The following BCLAF1 variants were observed in gnomAD, a reference collection of about 807,000 sequenced individuals.
BCLAF1 encodes bcl-2-associated transcription factor 1.
A neutral mutation model predicts 99.5 loss-of-function variants in BCLAF1; 10 were observed. That is an observed-to-expected ratio of 0.10 (90% confidence interval 0.06 to 0.17). The LOEUF is 0.17. BCLAF1 is among the 10% of genes least tolerant of loss of function. BCLAF1 has a pLI of 1.00. For missense variants in BCLAF1, 636 were observed against 1,105.8 expected (o/e 0.58, Z 6.02); for synonymous variants, 255 against 370.9 (o/e 0.69, Z 3.59).
intron 1 of BCLAF1, among the ~76,000 whole-genome samples, chr6:136,284,176 T>C (rs1378464727): frequency 7.3e-6 from 1 of 137,146 alleles, no homozygotes; most frequent in African/African-American, 3.2e-5. Flanking sequence ...AAGACCCAAC[T>C]GCCAGATCTC....
At chr6:136,287,067 G>A (rs1222836549) in intron 1 of BCLAF1, among the ~76,000 whole-genome samples, 1 of 152,090 alleles carries the variant, frequency 6.6e-6, no homozygotes, top group African/African-American at 2.4e-5. Flanking sequence ...TTCAACCTGG[G>A]AGGCAGAGGT....
Position 136,257,399 on chromosome 6 carries a change from C to T in BCLAF1, c.*3711G>A, listed in dbSNP as rs1205505680. The T allele has an allele frequency of 3.3e-5, 5 of 152,124 alleles. No individual in the cohort carries two copies. The highest frequency in any genetic ancestry group is 9.7e-5 in the African/African-American group (4 of 41,428). 9.4% of individuals were successfully genotyped at this position (152,124 alleles called of 1,614,324 possible). On this transcript the variant is annotated 3_prime_UTR_variant, in exon 13 of 13. Coordinates refer to ENST00000531224, the MANE Select transcript of BCLAF1 (RefSeq NM_014739.3). ...CCTTAATTAAATGTACAAGTTTGGT[C>T]TCATTACCATCATTGACACAAGTTA...
Position 136,268,351 on chromosome 6 carries a change from A to G in BCLAF1, c.2220-12T>C. On this transcript the variant is annotated splice_polypyrimidine_tract_variant and intron_variant, in intron 9 of 12. Transcript: ENST00000531224. The stretch of plus-strand genomic sequence containing the variant: ...CTCTTTTATGTTTACTGCAAAATAA[A>G]GAAAACAAAAAATGTGATACTTTTA... 6.3e-7 allele frequency: 1 copy of G among 1,582,518 alleles called. No individual in the cohort carries two copies. Among genetic ancestry groups the G allele is most frequent in the Non-Finnish European group, 8.6e-7 (1 of 1,167,782 alleles).
At chr6:136,264,964 C>T (rs1223416733) in intron 11 of BCLAF1, among the ~76,000 whole-genome samples, 3 of 152,128 alleles carry the variant, frequency 2.0e-5, no homozygotes, top group Admixed American at 6.6e-5. Flanking sequence ...TAAGTAAACG[C>T]CAACCCAAAA....
intron 6 of BCLAF1, 109 bp from the exon 7 acceptor site, chr6:136,273,296 C>G (rs1288197089): frequency 1.1e-6 from 1 of 917,154 alleles, no homozygotes; most frequent in Non-Finnish European, 1.7e-6. Context: ...AATAAGAAAC[C>G]TAGCAAAAGA....
At position 136,259,431 on chromosome 6, in the gene BCLAF1, C is replaced by T. The variant is rs1219883082; in HGVS notation, c.*1679G>A. 1 of 152,050 alleles carries T rather than the reference C, an allele frequency of 6.6e-6. No homozygotes were observed. Among genetic ancestry groups the T allele is most frequent in the Non-Finnish European group, 1.5e-5 (1 of 67,898 alleles). The allele number at this position is 152,050 out of a possible 1,614,324, so 9.4% of individuals were successfully genotyped here. On this transcript the variant is annotated 3_prime_UTR_variant, in exon 13 of 13. Transcript: ENST00000531224. ...CATGAAAATTCTGTGTTGGGAATCA[C>T]ATCCATGTTGCTTTCACACGTAAAT... is the stretch of plus-strand genomic sequence containing the variant.
At chr6:136,271,349 T>C (rs189544613) in intron 8 of BCLAF1, among the ~76,000 whole-genome samples, 405 of 151,954 alleles carry the variant, frequency 2.7e-3, no homozygotes, top group African/African-American at 9.1e-3. Flanking sequence ...TATAGATTAG[T>C]CTACCTGGCA....
chr6:136,275,809 A>G (rs1337724850), intron 5 of BCLAF1, 34 bp downstream of exon 5: 2 of 1,590,774 alleles, frequency 1.3e-6, no homozygotes, highest in African/African-American at 2.7e-5. Context: ...CTGACTGCCC[A>G]CAGATTATTT....
intron 8 of BCLAF1, 38 bp from the exon 9 acceptor site, chr6:136,269,650 G>C: frequency 6.7e-7 from 1 of 1,487,102 alleles, no homozygotes; most frequent in Non-Finnish European, 9.0e-7. Flanking sequence ...TTTCAGGGGA[G>C]AAATAGAAAA....
intron 11 of BCLAF1, among the ~76,000 whole-genome samples, chr6:136,266,472 C>T (rs537464192): frequency 6.6e-6 from 1 of 152,190 alleles, no homozygotes; most frequent in South Asian, 2.1e-4. Context: ...CCTCTAGCTT[C>T]ATCCTTGAAA....
Position 136,258,245 on chromosome 6 carries a change from A to G in BCLAF1, c.*2865T>C, listed in dbSNP as rs966923628. 3 of 152,124 alleles carry G rather than the reference A, an allele frequency of 2.0e-5. No individual in the cohort carries two copies. Among genetic ancestry groups the G allele is most frequent in the Non-Finnish European group, 4.4e-5 (3 of 67,938 alleles). 9.4% of individuals were successfully genotyped at this position (152,124 alleles called of 1,614,324 possible). ...TTTTAGAAAGAGAAGTAATCACCATATTATGGGTGATAAGGTCCCAGATTA... is the reference window on the plus strand; with the variant it reads ...TTTTAGAAAGAGAAGTAATCACCATGTTATGGGTGATAAGGTCCCAGATTA... On this transcript the variant is annotated 3_prime_UTR_variant, in exon 13 of 13. Transcript: ENST00000531224.
chr6:136,261,785 T>G, intron 11 of BCLAF1, among the ~76,000 whole-genome samples: 1 of 152,128 alleles, frequency 6.6e-6, no homozygotes. Context: ...TTTTTTATTA[T>G]GTCAATCCAA....
chr6:136,269,534 G>T lies in BCLAF1; in HGVS notation c.2122C>A (p.Arg708=), dbSNP rs749172270. 1 of 1,612,334 alleles carries T rather than the reference G, an allele frequency of 6.2e-7. No homozygotes were observed. The highest frequency in any genetic ancestry group is 8.5e-7 in the Non-Finnish European group (1 of 1,178,996). The change falls in exon 9 of 13, where the codon CGG becomes AGG. Residue 708 remains arginine, a synonymous_variant. Transcript: ENST00000531224. The stretch of plus-strand genomic sequence containing the variant: ...TCCCTGGAGCCCTTGGAATCTCCCC[G>T]TTCTTTACTTCTTTCTTTTCTACGG... ...DRRRKERSKE[R]GDSKGSRESS...
chr6:136,263,270 T>A (rs781449088), intron 11 of BCLAF1, among the ~76,000 whole-genome samples: 4 of 152,066 alleles, frequency 2.6e-5, no homozygotes, highest in Non-Finnish European at 5.9e-5. Flanking sequence ...TTGGTGGCAG[T>A]ATATGATTAC....
At chr6:136,280,602 A>G (rs1784251608) in intron 2 of BCLAF1, among the ~76,000 whole-genome samples, 1 of 152,190 alleles carries the variant, frequency 6.6e-6, no homozygotes, top group Non-Finnish European at 1.5e-5. Flanking sequence ...TATTAGAACT[A>G]CAAGAAAAAA....
intron 11 of BCLAF1, among the ~76,000 whole-genome samples, chr6:136,264,456 C>T (rs996610244): frequency 1.1e-4 from 16 of 152,270 alleles, no homozygotes; most frequent in African/African-American, 3.9e-4. Context: ...CCACCTGTCT[C>T]AGCCTCCCAA....
chr6:136,285,192 T>C (rs952798262), intron 1 of BCLAF1, among the ~76,000 whole-genome samples: 1 of 152,128 alleles, frequency 6.6e-6, no homozygotes. Flanking sequence ...ACTCATCTGA[T>C]TTACATTTTA....
At position 136,269,430 on chromosome 6, in the gene BCLAF1, C is replaced by A; in HGVS notation, c.2219+7G>T. 1 of 1,602,484 alleles carries A rather than the reference C, an allele frequency of 6.2e-7. No homozygotes were observed. Among genetic ancestry groups the A allele is most frequent in the Non-Finnish European group, 8.5e-7 (1 of 1,175,460 alleles). ...TAAAACCTATCTTAGTCAGTTTGAACAATTACCTGTCATCTTTGTAAGATT... is the reference window on the plus strand; with the variant it reads ...TAAAACCTATCTTAGTCAGTTTGAAAAATTACCTGTCATCTTTGTAAGATT... On this transcript the variant is annotated splice_region_variant and intron_variant, in intron 9 of 12. Transcript: ENST00000531224.
At chr6:136,282,020 A>G (rs1029421030) in intron 2 of BCLAF1, among the ~76,000 whole-genome samples, 2 of 152,208 alleles carry the variant, frequency 1.3e-5, no homozygotes, top group Non-Finnish European at 2.9e-5. Context: ...AAATGGATTG[A>G]TATCTTCTGC....
Sources: allele counts gnomAD v4.1 joint callset (sites outside exome capture counted in the v4.1 genomes callset), GRCh38; gene constraint gnomAD v4.1.1; transcripts MANE v1.5; gene names NCBI Gene and HGNC (gene_info 2026-07-23, HGNC 2026-07-21).